SLC25A21: variants seen among roughly 807,000 people sequenced by gnomAD.
SLC25A21 encodes solute carrier family 25 member 21.
In SLC25A21, 47 loss-of-function variants were observed where a neutral mutation model predicts 43.8. The ratio of observed to expected loss-of-function variants is 1.07; its 90% confidence interval spans 0.85 to 1.37. SLC25A21 has a LOEUF of 1.37. Among genes scored for constraint, SLC25A21 ranks in the 40% most tolerant of loss-of-function variants. The pLI is 0.00. For synonymous variants in SLC25A21, 131 were observed against 121.3 expected, an observed-to-expected ratio of 1.08 and a Z score of -0.52; for missense variants, 352 against 350.2, an observed-to-expected ratio of 1.00 and a Z score of -0.04.
At chr14:37,004,376 C>T (rs187725583) in intron 1 of SLC25A21, among the ~76,000 whole-genome samples, 1 of 152,284 alleles carries the variant, frequency 6.6e-6, no homozygotes, top group Admixed American at 6.5e-5. Context: ...TATCTACTAA[C>T]CTAAAACCTG....
intron 1 of SLC25A21, chr14:36,952,473 T>G (rs79560326): frequency 0.061 from 9,278 of 152,382 alleles, 402 homozygotes; most frequent in Middle Eastern, 0.15. Flanking sequence ...TTGTTTCTGT[T>G]GATAAGTTTC....
At chr14:36,861,653 T>C (rs1890068728) in intron 2 of SLC25A21, among the ~76,000 whole-genome samples, 1 of 152,244 alleles carries the variant, frequency 6.6e-6, no homozygotes, top group African/African-American at 2.4e-5. Flanking sequence ...ATAATTTTAC[T>C]TTCACTGATG....
chr14:36,680,826 G>C, intron 9 of SLC25A21, 107 bp from the exon 10 acceptor site: 1 of 926,794 alleles, frequency 1.1e-6, no homozygotes, highest in Non-Finnish European at 1.6e-6. Context: ...TCAGGCAGAG[G>C]CTGTTCGGAA....
chr14:36,683,566 G>T (rs919092309), intron 9 of SLC25A21, among the ~76,000 whole-genome samples: 1 of 152,200 alleles, frequency 6.6e-6, no homozygotes. Flanking sequence ...CCAACTGCCT[G>T]TGGCTTCTTC....
intron 2 of SLC25A21, among the ~76,000 whole-genome samples, chr14:36,837,909 C>T (rs762676895): frequency 3.9e-5 from 6 of 152,294 alleles, no homozygotes; most frequent in East Asian, 1.9e-4. Flanking sequence ...CTCCCAGTGC[C>T]GGGACAGCAG....
At chr14:36,773,753 G>T (rs967220567) in intron 3 of SLC25A21, among the ~76,000 whole-genome samples, 3 of 152,192 alleles carry the variant, frequency 2.0e-5, no homozygotes, top group African/African-American at 7.2e-5. Flanking sequence ...ATAGAGATGA[G>T]AAGACAGAGG....
intron 3 of SLC25A21, among the ~76,000 whole-genome samples, chr14:36,749,450 C>T (rs560696961): frequency 1.3e-5 from 2 of 152,192 alleles, no homozygotes; most frequent in African/African-American, 4.8e-5. Context: ...ACTGGTTTGC[C>T]TACAGTCTCT....
At chr14:37,077,080 C>G (rs1962296059) in intron 1 of SLC25A21, among the ~76,000 whole-genome samples, 1 of 152,192 alleles carries the variant, frequency 6.6e-6, no homozygotes, top group Non-Finnish European at 1.5e-5. Flanking sequence ...AAATAGATAT[C>G]TGAGTAACTC....
At chr14:36,834,236 T>C (rs1889131060) in intron 2 of SLC25A21, among the ~76,000 whole-genome samples, 3 of 152,202 alleles carry the variant, frequency 2.0e-5, no homozygotes. Context: ...TGCAAAGACC[T>C]CTTGTATATT....
intron 7 of SLC25A21, among the ~76,000 whole-genome samples, chr14:36,704,715 T>C (rs1268460692): frequency 2.7e-5 from 4 of 146,114 alleles, no homozygotes; most frequent in Middle Eastern, 7.2e-3. Flanking sequence ...CAAGGTAAAA[T>C]GTAGAGTGAA....
chr14:36,821,817 AAAAAC>A lies in SLC25A21; in HGVS notation c.120-7821_120-7817del, dbSNP rs528829909. Among the ~76,000 whole-genome samples the A allele has an allele frequency of 1.9e-3, 282 of 152,298 alleles. 3 individuals are homozygous for A. The highest frequency in any genetic ancestry group is 6.2e-3 in the East Asian group (32 of 5,178). ...GGACGACAGTGCGAGATTCTGTCTC[AAAAAC>A]AAAACAAAACAAAACAAAACACCAA... On this transcript the variant is annotated intron_variant, in intron 2 of 9. Transcript: ENST00000331299.
At chr14:36,917,020 A>C (rs1421535086) in intron 1 of SLC25A21, among the ~76,000 whole-genome samples, 1 of 151,958 alleles carries the variant, frequency 6.6e-6, no homozygotes, top group Non-Finnish European at 1.5e-5. Context: ...GGTTTCTCTC[A>C]AACTCTTTCC....
chr14:37,102,127 C>T (rs1382786647), intron 1 of SLC25A21, among the ~76,000 whole-genome samples: 1 of 152,044 alleles, frequency 6.6e-6, no homozygotes, highest in Non-Finnish European at 1.5e-5. Flanking sequence ...CTGGAAACTG[C>T]ATTTGTTCAA....
At chr14:37,111,055 T>C (rs1017942625) in intron 1 of SLC25A21, among the ~76,000 whole-genome samples, 35 of 152,322 alleles carry the variant, frequency 2.3e-4, no homozygotes, top group African/African-American at 7.7e-4. Flanking sequence ...AATTCTGCTT[T>C]TGAAACCTTT....
At chr14:36,775,656 C>T (rs983657341) in intron 3 of SLC25A21, among the ~76,000 whole-genome samples, 1 of 152,082 alleles carries the variant, frequency 6.6e-6, no homozygotes, top group Non-Finnish European at 1.5e-5. Flanking sequence ...AGTTCATAAC[C>T]GAGCAACCAA....
At chr14:36,842,075 A>G (rs1415267914) in intron 2 of SLC25A21, among the ~76,000 whole-genome samples, 1 of 152,152 alleles carries the variant, frequency 6.6e-6, no homozygotes, top group African/African-American at 2.4e-5. Flanking sequence ...CTGTAAGCTC[A>G]CAGTGGATGA....
intron 2 of SLC25A21, among the ~76,000 whole-genome samples, chr14:36,855,385 G>GA (rs1889867537): frequency 6.6e-6 from 1 of 152,158 alleles, no homozygotes; most frequent in South Asian, 2.1e-4. Flanking sequence ...CTGAGAAAAA[G>GA]AGGCAATGAC....
At chr14:36,951,416 T>C (rs531874288) in intron 1 of SLC25A21, among the ~76,000 whole-genome samples, 1 of 152,298 alleles carries the variant, frequency 6.6e-6, no homozygotes, top group South Asian at 2.1e-4. Flanking sequence ...TCCACAGCAC[T>C]GTCTCTAAAT....
At chr14:36,957,520 A>G (rs960049020) in intron 1 of SLC25A21, among the ~76,000 whole-genome samples, 3 of 152,218 alleles carry the variant, frequency 2.0e-5, no homozygotes, top group Middle Eastern at 3.2e-3. Flanking sequence ...TGATCCCCAT[A>G]GATCCTTTCT....
Sources: allele counts gnomAD v4.1 joint callset (sites outside exome capture counted in the v4.1 genomes callset), GRCh38; gene constraint gnomAD v4.1.1; transcripts MANE v1.5; gene names NCBI Gene and HGNC (gene_info 2026-07-23, HGNC 2026-07-21).